The following XPNPEP3 variants were observed in gnomAD, a reference collection of about 807,000 sequenced individuals.
XPNPEP3 encodes X-prolyl aminopeptidase 3.
A neutral mutation model predicts 60.0 loss-of-function variants in XPNPEP3; 41 were observed. The ratio of observed to expected loss-of-function variants is 0.68; its 90% CI spans 0.53 to 0.89. The LOEUF (loss-of-function observed/expected upper bound fraction) is 0.89, where lower values mean the gene tolerates loss of function less well. XPNPEP3 is among the 40% of genes least tolerant of loss of function. The pLI, the probability that XPNPEP3 is intolerant of heterozygous loss-of-function variation, is 0.00. For missense variants in XPNPEP3, 598 were observed against 638.9 expected, an observed-to-expected ratio of 0.94 and a Z score of 0.69; for synonymous variants, 212 against 223.2, an observed-to-expected ratio of 0.95 and a Z score of 0.45.
At chr22:40,902,852 G>A (rs1823860335) in intron 4 of XPNPEP3, among the ~76,000 whole-genome samples, 1 of 137,164 alleles carries the variant, frequency 7.3e-6, no homozygotes, top group South Asian at 2.4e-4. Context: ...AAGGAGTCTG[G>A]AGAAGCCAGG....
At chr22:40,895,020 C>T (rs570938477) in intron 4 of XPNPEP3, among the ~76,000 whole-genome samples, 6 of 152,290 alleles carry the variant, frequency 3.9e-5, no homozygotes, top group Admixed American at 1.3e-4. Context: ...TTGACCAACT[C>T]GTTCTTAACT....
intron 4 of XPNPEP3, among the ~76,000 whole-genome samples, chr22:40,894,121 T>G (rs867420156): frequency 5.3e-5 from 8 of 152,108 alleles, no homozygotes; most frequent in Admixed American, 1.3e-4. Context: ...TATAGTAGAC[T>G]ATGATACAGG....
At chr22:40,909,322 C>A in intron 6 of XPNPEP3, 87 bp downstream of exon 6, 2 of 1,034,018 alleles carry the variant, frequency 1.9e-6, no homozygotes, top group Non-Finnish European at 3.1e-6. Context: ...TCACCTTCAG[C>A]TTTCACAAAT....
chr22:40,857,152 T>C lies in XPNPEP3; in HGVS notation c.-30T>C, dbSNP rs376779591. 36 of 1,613,720 alleles carry C rather than the reference T, an allele frequency of 2.2e-5. No homozygotes were observed. The African/African-American group carries it at 4.0e-4, about 18-fold the overall frequency. On this transcript the variant is annotated 5_prime_UTR_variant, in exon 1 of 10. Coordinates refer to ENST00000357137, the MANE Select transcript of XPNPEP3 (RefSeq NM_022098.4). ...GTTGCGTTCCCCGTCGTTACCCTCT[T>C]TCTCTTCCCGACGCGTGAGTTAGGC...
intron 1 of XPNPEP3, among the ~76,000 whole-genome samples, chr22:40,858,105 C>T (rs2057914501): frequency 6.6e-6 from 1 of 152,166 alleles, no homozygotes; most frequent in South Asian, 2.1e-4. Flanking sequence ...GAAAGATGTG[C>T]AATTTTTCAG....
chr22:40,885,786 A>G (rs1601501454), intron 3 of XPNPEP3, among the ~76,000 whole-genome samples: 2 of 152,210 alleles, frequency 1.3e-5, no homozygotes, highest in East Asian at 3.8e-4. Context: ...GTTCGAGACC[A>G]GCCTGACCAA....
chr22:40,901,667 G>A (rs542099861), intron 4 of XPNPEP3, among the ~76,000 whole-genome samples: 1 of 152,040 alleles, frequency 6.6e-6, no homozygotes, highest in African/African-American at 2.4e-5. Flanking sequence ...TGAAGACTGG[G>A]TTTCACCATG....
In XPNPEP3 at chr22:40,929,351, C is replaced by T. The variant is rs2058246778; in HGVS notation, c.*2916C>T. Reference sequence around the variant, plus strand: ...GGAATACAGGCGCCTGCCACCACACCCGGCTATTTTTTTGTATTTTAAATA... The same window carrying T: ...GGAATACAGGCGCCTGCCACCACACTCGGCTATTTTTTTGTATTTTAAATA... On this transcript the variant is annotated 3_prime_UTR_variant, in exon 10 of 10. Coordinates refer to ENST00000357137, the MANE Select transcript of XPNPEP3 (RefSeq NM_022098.4). 6.6e-6 allele frequency: 1 copy of T among 151,896 alleles called. No individual in the cohort carries two copies. The highest frequency in any genetic ancestry group is 1.5e-5 in the Non-Finnish European group (1 of 68,018). The allele number at this position is 151,896 out of a possible 1,614,324, so 9.4% of individuals were successfully genotyped here.
At chr22:40,863,463 A>G (rs369355381) in intron 1 of XPNPEP3, among the ~76,000 whole-genome samples, 1 of 152,320 alleles carries the variant, frequency 6.6e-6, no homozygotes, top group Admixed American at 6.5e-5. Flanking sequence ...ATGATACGCT[A>G]ATGAAATCTA....
chr22:40,871,797 G>A (rs541849534), intron 2 of XPNPEP3, among the ~76,000 whole-genome samples: 6 of 152,160 alleles, frequency 3.9e-5, no homozygotes, highest in Non-Finnish European at 5.9e-5. Flanking sequence ...CACTTTGGGA[G>A]GCTGAGGTGG....
intron 2 of XPNPEP3, among the ~76,000 whole-genome samples, chr22:40,878,800 C>G (rs1056079765): frequency 6.6e-6 from 1 of 152,100 alleles, no homozygotes; most frequent in East Asian, 1.9e-4. Flanking sequence ...GTTAGCCAGA[C>G]TGGCCTTGAA....
chr22:40,886,051 A>G (rs190554161), intron 3 of XPNPEP3, among the ~76,000 whole-genome samples: 5 of 152,286 alleles, frequency 3.3e-5, no homozygotes, highest in Admixed American at 6.5e-5. Flanking sequence ...ATCATCCTTT[A>G]TAAAGAACAC....
At chr22:40,905,158 C>T (rs2058149730) in intron 4 of XPNPEP3, among the ~76,000 whole-genome samples, 1 of 151,756 alleles carries the variant, frequency 6.6e-6, no homozygotes, top group South Asian at 2.1e-4. Context: ...CGGCTCACTG[C>T]AACCACTATC....
At chr22:40,888,276 C>T (rs1008201957) in intron 4 of XPNPEP3, among the ~76,000 whole-genome samples, 1 of 152,164 alleles carries the variant, frequency 6.6e-6, no homozygotes, top group Non-Finnish European at 1.5e-5. Flanking sequence ...TAGAGTCTCG[C>T]TCTGTTGCCC....
intron 8 of XPNPEP3, 108 bp downstream of exon 8, chr22:40,922,621 C>A: frequency 7.3e-7 from 1 of 1,362,590 alleles, no homozygotes; most frequent in Non-Finnish European, 1.0e-6. Flanking sequence ...TGTAGTGATT[C>A]ATGCCTGTAA....
chr22:40,928,735 A>G lies in XPNPEP3; in HGVS notation c.*2300A>G, dbSNP rs1256124996. On this transcript the variant is annotated 3_prime_UTR_variant, in exon 10 of 10. Transcript: ENST00000357137. ...AATTTGAGGGTTTCTTAAAAAAACA[A>G]TTTGTATTAGGGAAGCACAAGCTAG... 2 of 152,184 alleles carry G rather than the reference A, an allele frequency of 1.3e-5. No homozygotes were observed. Among genetic ancestry groups the G allele is most frequent in the Non-Finnish European group, 2.9e-5 (2 of 68,040 alleles). 9.4% of individuals were successfully genotyped at this position (152,184 alleles called of 1,614,324 possible). A position where few individuals can be genotyped will look rare whatever the true frequency, so the allele number is the denominator to read the frequency against.
intron 7 of XPNPEP3, among the ~76,000 whole-genome samples, chr22:40,916,031 G>C (rs549337343): frequency 3.7e-4 from 56 of 152,270 alleles, no homozygotes; most frequent in South Asian, 1.9e-3. Context: ...AGTGGCTCAT[G>C]CCTGTAATTC....
chr22:40,890,604 C>T (rs1244976428), intron 4 of XPNPEP3, among the ~76,000 whole-genome samples: 5 of 151,996 alleles, frequency 3.3e-5, no homozygotes, highest in Admixed American at 6.6e-5. Flanking sequence ...CAGTGGCTCA[C>T]GCCTATAATC....
chr22:40,917,866 C>A (rs138734447), intron 7 of XPNPEP3: 1 of 151,830 alleles, frequency 6.6e-6, no homozygotes, highest in Non-Finnish European at 1.5e-5. Context: ...AAAAAAATAG[C>A]TGGATATGGT....
Sources: gnomAD v4.1 joint callset for allele counts (sites outside exome capture counted in the v4.1 genomes callset) on GRCh38, gnomAD v4.1.1 for gene constraint, MANE v1.5 for transcripts, NCBI Gene and HGNC (gene_info 2026-07-23, HGNC 2026-07-21) for gene names.